Variants in SHANK2 observed in about 807,000 individuals in gnomAD.
SHANK2 encodes the protein SH3 and multiple ankyrin repeat domains 2, also known as SH3 and multiple ankyrin repeat domains protein 2.
Under a neutral mutation model 133.7 loss-of-function variants are expected in SHANK2, and 43 were observed. The observed-to-expected ratio is 0.32, with a 90% CI of 0.25 to 0.41. SHANK2 has a LOEUF of 0.41. Ranked by LOEUF, SHANK2 falls within the 10% of genes least tolerant of loss-of-function variation. SHANK2 has a pLI of 1.00. For missense variants in SHANK2, 1,994 were observed against 2,235.8 expected (o/e 0.89, Z 2.18); for synonymous variants, 1,017 against 952.8 (o/e 1.07, Z -1.24).
intron 22 of SHANK2, 41 bp downstream of exon 22, chr11:70,492,294 G>A (rs782580106): frequency 7.8e-5 from 125 of 1,603,158 alleles, no homozygotes; most frequent in Non-Finnish European, 9.2e-5. Context: ...CCTGGGCACC[G>A]TCGGCCCCCG....
At chr11:71,225,571 T>C (rs782695790) in intron 1 of SHANK2, among the ~76,000 whole-genome samples, 5 of 152,052 alleles carry the variant, frequency 3.3e-5, no homozygotes, top group Non-Finnish European at 7.4e-5. Context: ...TCTCATAACA[T>C]AATACAAATA....
intron 6 of SHANK2, among the ~76,000 whole-genome samples, chr11:71,100,489 T>C (rs1951700072): frequency 1.3e-5 from 2 of 152,196 alleles, no homozygotes; most frequent in Admixed American, 6.5e-5. Flanking sequence ...CTTAAATGCA[T>C]ATTGCTAAAT....
intron 15 of SHANK2, among the ~76,000 whole-genome samples, chr11:70,663,924 G>C (rs76267574): frequency 0.011 from 1,623 of 152,346 alleles, 25 homozygotes; most frequent in African/African-American, 0.037. Flanking sequence ...CACAGCAAGA[G>C]TGGGTAAGAA....
At chr11:70,747,727 T>C (rs148516373) in intron 14 of SHANK2, among the ~76,000 whole-genome samples, 147 of 152,318 alleles carry the variant, frequency 9.7e-4, no homozygotes, top group African/African-American at 3.4e-3. Context: ...GCTGCACATA[T>C]GTATAGTGTG....
intron 10 of SHANK2, among the ~76,000 whole-genome samples, chr11:70,933,703 T>G (rs1555082920): frequency 6.6e-6 from 1 of 152,060 alleles, no homozygotes; most frequent in African/African-American, 2.4e-5. Flanking sequence ...ATGGATCACA[T>G]GAGGTCAGGA....
intron 17 of SHANK2, among the ~76,000 whole-genome samples, chr11:70,605,628 G>A (rs186948448): frequency 5.9e-5 from 9 of 152,348 alleles, no homozygotes; most frequent in South Asian, 4.1e-4. Context: ...TCAGGCGCAC[G>A]GGGAGCATGT....
At chr11:70,733,048 C>G (rs909754352) in intron 14 of SHANK2, among the ~76,000 whole-genome samples, 2 of 152,164 alleles carry the variant, frequency 1.3e-5, no homozygotes, top group African/African-American at 4.8e-5. Flanking sequence ...ACAGGCTGGG[C>G]GGGGTGGGAG....
At chr11:70,527,244 A>G (rs2059410980) in intron 17 of SHANK2, among the ~76,000 whole-genome samples, 1 of 152,108 alleles carries the variant, frequency 6.6e-6, no homozygotes, top group Non-Finnish European at 1.5e-5. Context: ...CCCCACCCCC[A>G]GGACTCCTGT....
intron 17 of SHANK2, among the ~76,000 whole-genome samples, chr11:70,503,478 T>C (rs2059090839): frequency 6.6e-6 from 1 of 152,148 alleles, no homozygotes; most frequent in African/African-American, 2.4e-5. Flanking sequence ...TCCAGAGGCC[T>C]GGGAAGGCAG....
chr11:71,151,569 G>A (rs1440169181), intron 2 of SHANK2, among the ~76,000 whole-genome samples: 1 of 152,218 alleles, frequency 6.6e-6, no homozygotes, highest in Non-Finnish European at 1.5e-5. Context: ...AGGGTGAAGG[G>A]AAAGAGCCCT....
chr11:70,637,729 C>A (rs1328586495), intron 17 of SHANK2, among the ~76,000 whole-genome samples: 1 of 152,216 alleles, frequency 6.6e-6, no homozygotes, highest in Non-Finnish European at 1.5e-5. Context: ...GGGCCCAGAT[C>A]CTGGCAGTCT....
intron 14 of SHANK2, among the ~76,000 whole-genome samples, chr11:70,762,003 A>G (rs1413303359): frequency 1.3e-5 from 2 of 152,032 alleles, no homozygotes; most frequent in Non-Finnish European, 2.9e-5. Context: ...GGCTTTTCTC[A>G]ATGACTGCTG....
At chr11:70,625,309 T>C (rs71467497) in intron 17 of SHANK2, among the ~76,000 whole-genome samples, 2,942 of 152,250 alleles carry the variant, frequency 0.019, 46 homozygotes, top group Non-Finnish European at 0.029. Flanking sequence ...GCTGGGGCTC[T>C]GTCACACACT....
chr11:70,756,216 C>A (rs782437087), intron 14 of SHANK2, among the ~76,000 whole-genome samples: 1 of 152,188 alleles, frequency 6.6e-6, no homozygotes, highest in East Asian at 1.9e-4. Context: ...CTCTCTTCCA[C>A]CCTCCAGCCA....
chr11:71,064,261 G>A (rs1301542278), intron 9 of SHANK2, among the ~76,000 whole-genome samples: 2 of 152,222 alleles, frequency 1.3e-5, no homozygotes, highest in African/African-American at 4.8e-5. Flanking sequence ...ACGTCAGGAC[G>A]GGTGGGTCTG....
At chr11:70,908,118 T>G (rs1555078334) in intron 10 of SHANK2, 1 of 267,136 alleles carries the variant, frequency 3.7e-6, no homozygotes, top group Middle Eastern at 7.5e-4. Context: ...AAAAAAAATC[T>G]TAATAAACTG....
intron 14 of SHANK2, among the ~76,000 whole-genome samples, chr11:70,792,819 C>T (rs1947823392): frequency 6.6e-6 from 1 of 152,174 alleles, no homozygotes; most frequent in South Asian, 2.1e-4. Context: ...GGCATGGTGG[C>T]TCACACCTAC....
At chr11:70,917,577 C>A (rs1407211522) in intron 10 of SHANK2, among the ~76,000 whole-genome samples, 1 of 152,164 alleles carries the variant, frequency 6.6e-6, no homozygotes, top group Admixed American at 6.5e-5. Flanking sequence ...CAGTACTATT[C>A]ACAATAGCAA....
intron 10 of SHANK2, among the ~76,000 whole-genome samples, chr11:70,898,394 T>A (rs782162525): frequency 1.3e-4 from 19 of 151,980 alleles, no homozygotes; most frequent in Non-Finnish European, 2.5e-4. Context: ...AAAAATATTA[T>A]GGAAATGCTT....
Sources: allele counts gnomAD v4.1 joint callset (sites outside exome capture counted in the v4.1 genomes callset), GRCh38; gene constraint gnomAD v4.1.1; transcripts MANE v1.5; gene names NCBI Gene and HGNC (gene_info 2026-07-23, HGNC 2026-07-21).